Variants in UBL3 observed in about 807,000 individuals in gnomAD.
UBL3 encodes the protein ubiquitin like 3, also known as ubiquitin-like protein 3.
UBL3 carries 6 observed loss-of-function variants against 18.4 expected under a neutral mutation model. The observed-to-expected ratio is 0.33, with a 90% CI of 0.18 to 0.64. The LOEUF (loss-of-function observed/expected upper bound fraction) is 0.64, where lower values mean the gene tolerates loss of function less well. Among genes scored for constraint, UBL3 ranks in the 30% least tolerant of loss-of-function variants. The pLI is 0.76. For missense variants in UBL3, 109 were observed against 142.9 expected (o/e 0.76, Z 1.21); for synonymous variants, 49 against 46.6 (o/e 1.05, Z -0.21).
chr13:29,849,703 G>C lies in UBL3; in HGVS notation c.-165C>G. On this transcript the variant is annotated 5_prime_UTR_variant, in exon 1 of 5. Coordinates refer to ENST00000380680, the MANE Select transcript of UBL3 (RefSeq NM_007106.4). The stretch of plus-strand genomic sequence containing the variant: ...GGAGCCAAAGTGCCGGTCAGGCCGA[G>C]GTTCTGGTTCGAAGAGGAACAATCC... 1.1e-6 allele frequency: 1 copy of C among 875,810 alleles called. No homozygotes were observed. Among genetic ancestry groups the C allele is most frequent in the Non-Finnish European group, 1.8e-6 (1 of 564,906 alleles). 54.3% of individuals were successfully genotyped at this position (875,810 alleles called of 1,614,324 possible).
intron 1 of UBL3, among the ~76,000 whole-genome samples, chr13:29,829,577 T>A (rs1180470411): frequency 6.6e-6 from 1 of 152,174 alleles, no homozygotes; most frequent in Non-Finnish European, 1.5e-5. Context: ...ATTTCCCAGG[T>A]GCCATCTGTC....
intron 1 of UBL3, among the ~76,000 whole-genome samples, chr13:29,846,752 CAT>C (rs1879236626): frequency 6.6e-6 from 1 of 152,112 alleles, no homozygotes; most frequent in Admixed American, 6.5e-5. Context: ...GCACCATTAA[CAT>C]ATAAAAGATT....
intron 1 of UBL3, among the ~76,000 whole-genome samples, chr13:29,806,555 TG>T (rs754962356): frequency 2.6e-5 from 4 of 152,128 alleles, no homozygotes; most frequent in Non-Finnish European, 5.9e-5. Context: ...AGGGTAGGGC[TG>T]GGGGGCAGGG....
chr13:29,767,638 A>T lies in UBL3; in HGVS notation c.281T>A (p.Leu94Ter). The change falls in exon 4 of 5, where the codon TTA (leucine) becomes TAA (stop). Residue 94 changes from leucine to a stop codon, truncating the protein, a stop_gained. Transcript: ENST00000380680. LOFTEE classifies it high-confidence loss of function. ...CTTACCTTGAGAGTTTGGCTCTGGTAATGTCTCTCTGGCCACCAAATGCAT... is the reference window on the plus strand; with the variant it reads ...CTTACCTTGAGAGTTTGGCTCTGGTTATGTCTCTCTGGCCACCAAATGCAT... ...TVMHLVARET[L>*]PEPNSQGQRN... 6.2e-7 allele frequency: 1 copy of T among 1,613,030 alleles called. No homozygotes were observed. The highest frequency in any genetic ancestry group is 8.5e-7 in the Non-Finnish European group (1 of 1,179,246).
chr13:29,766,220 A>C lies in UBL3; in HGVS notation c.*1035T>G, dbSNP rs1876675407. On this transcript the variant is annotated 3_prime_UTR_variant, in exon 5 of 5. Coordinates refer to ENST00000380680, the MANE Select transcript of UBL3 (RefSeq NM_007106.4). ...GTGGCATTCTTGTGTATGCCATAAA[A>C]ATCAGCTTTTGACTTTAATACAATT... is the stretch of plus-strand genomic sequence containing the variant. The C allele has an allele frequency of 6.6e-6, 1 of 152,566 alleles. No individual in the cohort carries two copies. Among genetic ancestry groups the C allele is most frequent in the Admixed American group, 6.6e-5 (1 of 15,266 alleles). The allele number at this position is 152,566 out of a possible 1,614,324, so 9.5% of individuals were successfully genotyped here.
intron 1 of UBL3, among the ~76,000 whole-genome samples, chr13:29,835,745 C>A (rs887213650): frequency 9.0e-6 from 1 of 111,036 alleles, no homozygotes; most frequent in South Asian, 3.0e-4. Flanking sequence ...CAGAGCTAGA[C>A]GCTGTCTCAA....
At chr13:29,828,778 GCT>G (rs911261502) in intron 1 of UBL3, among the ~76,000 whole-genome samples, 1 of 152,158 alleles carries the variant, frequency 6.6e-6, no homozygotes, top group African/African-American at 2.4e-5. Flanking sequence ...CGGCTTTTCT[GCT>G]CTGTTTTTTC....
rs1180848312 is a variant in UBL3, at chr13:29,783,872, C to A, written c.28-6609G>T. Among the ~76,000 whole-genome samples the A allele has an allele frequency of 9.9e-5, 15 of 152,074 alleles. 1 individual carries two copies. The highest frequency in any genetic ancestry group is 2.1e-4 in the Non-Finnish European group (14 of 68,024). The stretch of plus-strand genomic sequence containing the variant: ...AATGTTATATACTTTGTGTACATAC[C>A]TGTCTAAAAGAAAACTGGTAATAAG... On this transcript the variant is annotated intron_variant, in intron 1 of 4. Transcript: ENST00000380680.
Position 29,839,655 on chromosome 13 carries a change from C to T in UBL3, c.27+9857G>A, listed in dbSNP as rs372847439. Among the ~76,000 whole-genome samples the T allele has an allele frequency of 1.5e-4, 23 of 152,210 alleles. No homozygotes were observed. The East Asian group carries it at 2.7e-3, about 18-fold the overall frequency. ...AAGATTTTAAAAAATAGGCCGGGCG[C>T]AGTGGCTCACGCCTGTAATCCCAGC... On this transcript the variant is annotated intron_variant, in intron 1 of 4. Transcript: ENST00000380680.
At chr13:29,781,323 A>G (rs1193249775) in intron 1 of UBL3, among the ~76,000 whole-genome samples, 2 of 152,216 alleles carry the variant, frequency 1.3e-5, no homozygotes, top group East Asian at 3.8e-4. Context: ...TGTACCAAAT[A>G]TAACAGTCCT....
chr13:29,805,597 C>T (rs955275588), intron 1 of UBL3, among the ~76,000 whole-genome samples: 1 of 152,138 alleles, frequency 6.6e-6, no homozygotes, highest in Non-Finnish European at 1.5e-5. Flanking sequence ...GGGGGAAAAT[C>T]ACTCCCTAGT....
chr13:29,792,636 T>C (rs938047362), intron 1 of UBL3, among the ~76,000 whole-genome samples: 2 of 152,234 alleles, frequency 1.3e-5, no homozygotes, highest in Admixed American at 6.5e-5. Context: ...CAGAAAGCCA[T>C]GATCTCACGT....
At chr13:29,778,908 T>A (rs1877072194) in intron 1 of UBL3, among the ~76,000 whole-genome samples, 1 of 152,236 alleles carries the variant, frequency 6.6e-6, no homozygotes, top group Admixed American at 6.5e-5. Flanking sequence ...CATATTTCAA[T>A]TAAAAGTTTT....
At chr13:29,786,840 C>A (rs563365699) in intron 1 of UBL3, among the ~76,000 whole-genome samples, 3 of 152,208 alleles carry the variant, frequency 2.0e-5, no homozygotes, top group Admixed American at 6.5e-5. Flanking sequence ...CAGTGAGATT[C>A]CTGTTTTTAC....
intron 1 of UBL3, among the ~76,000 whole-genome samples, chr13:29,785,653 A>C (rs925274974): frequency 2.6e-5 from 4 of 152,252 alleles, no homozygotes; most frequent in Non-Finnish European, 5.9e-5. Flanking sequence ...TAAAATAAAA[A>C]TTATTCAAAC....
At chr13:29,774,796 T>C (rs1489516094) in intron 2 of UBL3, among the ~76,000 whole-genome samples, 1 of 152,120 alleles carries the variant, frequency 6.6e-6, no homozygotes, top group African/African-American at 2.4e-5. Context: ...AAAATCTGTA[T>C]TTTCATTTTA....
intron 1 of UBL3, among the ~76,000 whole-genome samples, chr13:29,825,068 C>G (rs536956138): frequency 1.8e-4 from 27 of 152,236 alleles, no homozygotes; most frequent in East Asian, 9.7e-4. Context: ...TGGTCTATAT[C>G]TCTGTTTTGG....
chr13:29,775,786 T>C (rs773852627), intron 2 of UBL3, among the ~76,000 whole-genome samples: 10 of 152,136 alleles, frequency 6.6e-5, no homozygotes, highest in Non-Finnish European at 1.2e-4. Flanking sequence ...CAGCTAAATT[T>C]TGTATTTTTA....
chr13:29,808,036 C>T (rs1877941777), intron 1 of UBL3, among the ~76,000 whole-genome samples: 1 of 152,104 alleles, frequency 6.6e-6, no homozygotes, highest in African/African-American at 2.4e-5. Context: ...CATAGTGCTT[C>T]TAAGAGAAAT....
Sources: gnomAD v4.1 joint callset for allele counts (sites outside exome capture counted in the v4.1 genomes callset) on GRCh38, gnomAD v4.1.1 for gene constraint, MANE v1.5 for transcripts, NCBI Gene and HGNC (gene_info 2026-07-23, HGNC 2026-07-21) for gene names.